GRXCR1: variants seen among roughly 807,000 people sequenced by gnomAD.
GRXCR1 encodes the protein glutaredoxin and cysteine rich domain containing 1, also known as glutaredoxin domain-containing cysteine-rich protein 1.
GRXCR1 carries 27 observed loss-of-function variants against 27.3 expected under a neutral mutation model. The observed-to-expected ratio is 0.99, with a 90% CI of 0.73 to 1.37. GRXCR1 has a LOEUF of 1.37. GRXCR1 is among the 40% of genes most tolerant of loss of function. The probability of loss-of-function intolerance (pLI) is 0.00; values close to 1 mark genes in which losing one functional copy is unlikely to be tolerated. For missense variants in GRXCR1, 379 were observed against 354.4 expected (o/e 1.07, Z -0.56); for synonymous variants, 122 against 131.1 (o/e 0.93, Z 0.47).
chr4:43,006,804 G>T (rs1712572523), intron 2 of GRXCR1, among the ~76,000 whole-genome samples: 2 of 152,156 alleles, frequency 1.3e-5, no homozygotes, highest in South Asian at 4.1e-4. Flanking sequence ...GAAAATCCCT[G>T]ATAAAAACTT....
intron 3 of GRXCR1, among the ~76,000 whole-genome samples, chr4:43,027,689 C>A (rs1408133565): frequency 1.3e-5 from 2 of 152,154 alleles, no homozygotes; most frequent in Non-Finnish European, 2.9e-5. Context: ...AACCATATGG[C>A]TATTCAAGAA....
At chr4:42,897,918 TTAC>T (rs1560640459) in intron 1 of GRXCR1, among the ~76,000 whole-genome samples, 25 of 129,738 alleles carry the variant, frequency 1.9e-4, no homozygotes, top group Non-Finnish European at 3.3e-4. Context: ...AGAAAAGTTA[TTAC>T]TATTATTATT....
At chr4:42,989,149 G>A (rs10020434) in intron 2 of GRXCR1, among the ~76,000 whole-genome samples, 2,352 of 152,242 alleles carry the variant, frequency 0.015, 69 homozygotes, top group African/African-American at 0.054. Context: ...ACTCAACTAG[G>A]ACGGGTATAA....
At chr4:42,948,304 T>C (rs926968090) in intron 1 of GRXCR1, among the ~76,000 whole-genome samples, 4 of 151,516 alleles carry the variant, frequency 2.6e-5, no homozygotes, top group Non-Finnish European at 2.9e-5. Flanking sequence ...GTAGAAAAGA[T>C]AGATAAAGAA....
chr4:42,991,319 TAACCC>T (rs1285601493), intron 2 of GRXCR1, among the ~76,000 whole-genome samples: 9 of 152,070 alleles, frequency 5.9e-5, no homozygotes, highest in Non-Finnish European at 4.4e-5. Flanking sequence ...AAATAGAACT[TAACCC>T]ATTTATATTT....
chr4:43,010,540 G>A (rs1459665936), intron 2 of GRXCR1, among the ~76,000 whole-genome samples: 1 of 151,980 alleles, frequency 6.6e-6, no homozygotes, highest in African/African-American at 2.4e-5. Context: ...TAAATGCTAT[G>A]CCCAGATGAA....
chr4:42,987,002 ATGTGTGTG>A (rs36224914), intron 2 of GRXCR1, among the ~76,000 whole-genome samples: 20 of 140,804 alleles, frequency 1.4e-4, no homozygotes, highest in African/African-American at 2.9e-4. Context: ...AGATATGTGT[ATGTGTGTG>A]TGTGTGTGTG....
chr4:42,943,797 C>T (rs2109764359), intron 1 of GRXCR1, among the ~76,000 whole-genome samples: 1 of 152,066 alleles, frequency 6.6e-6, no homozygotes, highest in Admixed American at 6.6e-5. Flanking sequence ...TTTTAGAAGA[C>T]ATTTATCAAT....
chr4:42,951,143 G>T lies in GRXCR1; in HGVS notation c.385-11749G>T, dbSNP rs145559683. 1.8e-4 allele frequency among the ~76,000 whole-genome samples: 28 copies of T among 152,254 alleles called. No individual in the cohort carries two copies. The East Asian group carries it at 5.0e-3, about 27-fold the overall frequency. On this transcript the variant is annotated intron_variant, in intron 1 of 3. Coordinates refer to ENST00000399770, the MANE Select transcript of GRXCR1 (RefSeq NM_001080476.3). ...AGGCATAAGATTCAGAAGCACCAAG[G>T]TCAGGAGAAGCTTGATGTCTTAGCT...
intron 1 of GRXCR1, among the ~76,000 whole-genome samples, chr4:42,916,903 T>C (rs763528806): frequency 3.3e-5 from 5 of 152,132 alleles, no homozygotes; most frequent in Admixed American, 6.6e-5. Context: ...TATTAGTCCG[T>C]AATTTTATGT....
intron 1 of GRXCR1, among the ~76,000 whole-genome samples, chr4:42,948,200 GCT>G (rs1437572459): frequency 6.7e-6 from 1 of 148,182 alleles, no homozygotes; most frequent in Non-Finnish European, 1.5e-5. Context: ...ACTTAGTCAT[GCT>G]CTGTGTTTGC....
In GRXCR1 at chr4:42,893,587, A is replaced by T; in HGVS notation, c.321A>T (p.Arg107Ser). Residue 107 changes from arginine to serine, a missense_variant, in exon 1 of 4, where the codon AGA becomes AGT. By Grantham distance (110) the Arg-to-Ser change is moderately radical. Coordinates refer to ENST00000399770, the MANE Select transcript of GRXCR1 (RefSeq NM_001080476.3). ...TTTTAAGCAAAAATGGCACAGTCAG[A>T]GGCGTCAAATACAAAGTGAGTGCTG... is the stretch of plus-strand genomic sequence containing the variant. ...VNILSKNGTV[R>S]GVKYKVSAGQ... The T allele has an allele frequency of 6.2e-7, 1 of 1,613,740 alleles. No homozygotes were observed. The highest frequency in any genetic ancestry group is 8.5e-7 in the Non-Finnish European group (1 of 1,179,780).
intron 3 of GRXCR1, 120 bp from the exon 4 acceptor site, chr4:43,030,241 G>T (rs949761037): frequency 1.1e-5 from 9 of 833,870 alleles, no homozygotes; most frequent in Non-Finnish European, 1.9e-5. Context: ...CAAGTGTATA[G>T]CCATATTATG....
intron 1 of GRXCR1, among the ~76,000 whole-genome samples, chr4:42,905,643 C>T (rs1398095807): frequency 6.6e-6 from 1 of 152,064 alleles, no homozygotes; most frequent in Non-Finnish European, 1.5e-5. Context: ...AAAATGGATG[C>T]CATAGCTTAC....
chr4:43,007,761 C>T (rs534085709), intron 2 of GRXCR1, among the ~76,000 whole-genome samples: 19 of 152,290 alleles, frequency 1.2e-4, no homozygotes, highest in South Asian at 4.1e-4. Context: ...TGCCATTTAT[C>T]GTTTAGTAGC....
chr4:43,021,445 A>G (rs1713088698), intron 3 of GRXCR1, among the ~76,000 whole-genome samples: 1 of 152,178 alleles, frequency 6.6e-6, no homozygotes, highest in Non-Finnish European at 1.5e-5. Context: ...CATGTCCCAA[A>G]TGAACTAGAT....
intron 1 of GRXCR1, among the ~76,000 whole-genome samples, chr4:42,959,817 TA>T (rs574669771): frequency 5.9e-4 from 89 of 151,386 alleles, no homozygotes; most frequent in Admixed American, 7.9e-4. Flanking sequence ...CATTAGAACT[TA>T]AAAAAAAATT....
At chr4:42,991,312 T>C (rs1036234684) in intron 2 of GRXCR1, among the ~76,000 whole-genome samples, 1 of 152,106 alleles carries the variant, frequency 6.6e-6, no homozygotes, top group Non-Finnish European at 1.5e-5. Flanking sequence ...CTTTAATAAA[T>C]AGAACTTAAC....
rs188013902 is a variant in GRXCR1, at chr4:42,966,626, G to C, written c.627+3492G>C. Among the ~76,000 whole-genome samples, 488 of 152,174 alleles carry C rather than the reference G, an allele frequency of 3.2e-3. 5 individuals are homozygous for C. The highest frequency in any genetic ancestry group is 6.8e-3 in the South Asian group (33 of 4,826). ...GGTGCCCAAGGAAGCTTCTGCCATA[G>C]TCAAGAAGGAGTTGGCTCCAGAAAT... is the stretch of plus-strand genomic sequence containing the variant. On this transcript the variant is annotated intron_variant, in intron 2 of 3. Transcript: ENST00000399770.
Sources: gnomAD v4.1 joint callset for allele counts (sites outside exome capture counted in the v4.1 genomes callset) on GRCh38, gnomAD v4.1.1 for gene constraint, MANE v1.5 for transcripts, NCBI Gene and HGNC (gene_info 2026-07-23, HGNC 2026-07-21) for gene names.